The following NMRAL1 variants were observed in gnomAD, a reference collection of about 807,000 sequenced individuals.
NMRAL1 encodes NmrA like redox sensor 1.
NMRAL1 carries 32 observed loss-of-function variants against 27.5 expected under a neutral mutation model. The ratio of observed to expected loss-of-function variants is 1.16; its 90% CI spans 0.88 to 1.56. NMRAL1 has a LOEUF of 1.56. NMRAL1 is among the 40% of genes most tolerant of loss of function. The pLI is 0.00. For synonymous variants in NMRAL1, 166 were observed against 166.8 expected, an observed-to-expected ratio of 1.00 and a Z score of 0.04; for missense variants, 420 against 392.0, an observed-to-expected ratio of 1.07 and a Z score of -0.60.
At chr16:4,464,708 G>A (rs1489188494) in intron 4 of NMRAL1, among the ~76,000 whole-genome samples, 7 of 148,518 alleles carry the variant, frequency 4.7e-5, no homozygotes, top group Admixed American at 1.4e-4. Flanking sequence ...TCCACCTCCC[G>A]GGTTCACACC....
chr16:4,466,069 C>T (rs139314908), intron 4 of NMRAL1, 84 bp downstream of exon 4: 91 of 1,535,410 alleles, frequency 5.9e-5, no homozygotes, highest in Non-Finnish European at 7.6e-5. Flanking sequence ...CCTGGCACCA[C>T]GTGACAGCGG....
rs144797785 is a variant in NMRAL1 at position 4,468,026 on chromosome 16, G to A, written c.279+1201C>T. 1.6e-3 allele frequency among the ~76,000 whole-genome samples: 239 copies of A among 152,146 alleles called. 1 individual carries two copies. Among genetic ancestry groups the A allele is most frequent in the African/African-American group, 4.4e-3 (181 of 41,542 alleles). ...AGAAATAAGATCTGCTGGGCTGGGC[G>A]CAGTGGCTCATGCCCGCAGTCCCAG... is the stretch of plus-strand genomic sequence containing the variant. On this transcript the variant is annotated intron_variant, in intron 3 of 5. Transcript: ENST00000283429.
Position 4,461,929 on chromosome 16 carries a change from A to G in NMRAL1, c.751T>C (p.Phe251Leu), listed in dbSNP as rs1450804334. The G allele has an allele frequency of 6.2e-7, 1 of 1,614,040 alleles. No homozygotes were observed. Among genetic ancestry groups the G allele is most frequent in the South Asian group, 1.1e-5 (1 of 91,082 alleles). Residue 251 changes from phenylalanine (F) to leucine (L), a missense_variant, in exon 6 of 6, where the codon TTT (phenylalanine) becomes CTT (leucine). Transcript: ENST00000283429. ...MTPEDYEKLG[F>L]PGARDLANMF... ...TTGGCCAGGTCCCGGGCACCGGGAA[A>G]GCCAAGCTTTTCGTAGTCCTCAGGA...
chr16:4,464,584 C>G (rs1280354631), intron 4 of NMRAL1, among the ~76,000 whole-genome samples: 1 of 150,576 alleles, frequency 6.6e-6, no homozygotes, highest in African/African-American at 2.4e-5. Context: ...GCGCACAGAC[C>G]GGAGCAGGAG....
intron 2 of NMRAL1, among the ~76,000 whole-genome samples, chr16:4,472,973 CTTTT>C (rs768092791): frequency 5.0e-5 from 6 of 119,718 alleles, no homozygotes; most frequent in Admixed American, 8.5e-5. Flanking sequence ...TCATGGAGTT[CTTTT>C]TTTTTTTTTT....
intron 4 of NMRAL1, 77 bp downstream of exon 4, chr16:4,466,076 G>C: frequency 1.9e-6 from 3 of 1,557,820 alleles, no homozygotes; most frequent in Non-Finnish European, 2.6e-6. Context: ...CCACGTGACA[G>C]CGGCCCGCGG....
intron 2 of NMRAL1, among the ~76,000 whole-genome samples, chr16:4,470,803 CG>C (rs2057534463): frequency 1.3e-5 from 2 of 151,376 alleles, no homozygotes; most frequent in Admixed American, 1.3e-4. Context: ...AAAACTTAGC[CG>C]GGCGTGGTGG....
intron 3 of NMRAL1, chr16:4,466,823 T>G (rs1044994961): frequency 4.7e-6 from 1 of 212,696 alleles, no homozygotes; most frequent in Non-Finnish European, 9.6e-6. Flanking sequence ...GGCTCTGCCA[T>G]GTACGAGCAG....
chr16:4,472,741 C>G (rs1158385957), intron 2 of NMRAL1, among the ~76,000 whole-genome samples: 1 of 115,626 alleles, frequency 8.6e-6, no homozygotes, highest in East Asian at 2.1e-4. Context: ...GGGACTCTGT[C>G]TCAAAAAAAA....
At chr16:4,465,168 T>C (rs1355776616) in intron 4 of NMRAL1, among the ~76,000 whole-genome samples, 1 of 152,144 alleles carries the variant, frequency 6.6e-6, no homozygotes, top group African/African-American at 2.4e-5. Context: ...CACCTCGGCT[T>C]CCCAAAGTGC....
At chr16:4,467,053 T>C (rs2057357908) in intron 3 of NMRAL1, 1 of 152,686 alleles carries the variant, frequency 6.5e-6, no homozygotes, top group Non-Finnish European at 1.5e-5. Context: ...CATCCTGCAC[T>C]AACTAGATAG....
At chr16:4,471,911 C>CA (rs2057580303) in intron 2 of NMRAL1, among the ~76,000 whole-genome samples, 1 of 151,724 alleles carries the variant, frequency 6.6e-6, no homozygotes, top group African/African-American at 2.4e-5. Context: ...CCAGTCTCTA[C>CA]AAAAAATTAA....
intron 2 of NMRAL1, among the ~76,000 whole-genome samples, chr16:4,472,772 G>A (rs1382558818): frequency 1.3e-5 from 2 of 150,416 alleles, no homozygotes; most frequent in East Asian, 1.9e-4. Flanking sequence ...AGTAAAGCCC[G>A]GACACACACT....
At chr16:4,462,016 G>A in intron 5 of NMRAL1, 57 bp from the exon 6 acceptor site, 1 of 1,485,340 alleles carries the variant, frequency 6.7e-7, no homozygotes, top group African/African-American at 1.4e-5. Context: ...GGAGGTGGCG[G>A]GGCAGGGAGG....
intron 4 of NMRAL1, among the ~76,000 whole-genome samples, chr16:4,464,611 G>GTTTT (rs775753695): frequency 7.5e-6 from 1 of 133,056 alleles, no homozygotes; most frequent in African/African-American, 3.1e-5. Context: ...CTGACTGCAG[G>GTTTT]TTTTTTTTTT....
intron 3 of NMRAL1, 26 bp from the exon 4 acceptor site, chr16:4,466,428 C>A (rs1192372272): frequency 1.2e-6 from 2 of 1,605,910 alleles, no homozygotes; most frequent in African/African-American, 2.7e-5. Flanking sequence ...GGAGAGATCA[C>A]AAGGCTCAGA....
chr16:4,465,012 ATTC>A (rs2057264484), intron 4 of NMRAL1, among the ~76,000 whole-genome samples: 1 of 151,280 alleles, frequency 6.6e-6, no homozygotes, highest in African/African-American at 2.4e-5. Flanking sequence ...GGTTCAAGCG[ATTC>A]TTCTGCCTCA....
At chr16:4,474,029 A>T (rs2057713187) in intron 2 of NMRAL1, 64 bp downstream of exon 2, 1 of 1,328,140 alleles carries the variant, frequency 7.5e-7, no homozygotes, top group Non-Finnish European at 1.1e-6. Context: ...AGACCCCAGG[A>T]CGGGCGGTCT....
intron 5 of NMRAL1, 48 bp from the exon 6 acceptor site, chr16:4,462,007 G>A (rs1166052149): frequency 1.3e-6 from 2 of 1,529,878 alleles, no homozygotes; most frequent in Admixed American, 1.8e-5. Flanking sequence ...AGTGCCCCGG[G>A]AGGTGGCGGG....
Sources: allele counts gnomAD v4.1 joint callset (sites outside exome capture counted in the v4.1 genomes callset), GRCh38; gene constraint gnomAD v4.1.1; transcripts MANE v1.5; gene names NCBI Gene and HGNC (gene_info 2026-07-23, HGNC 2026-07-21).